Variants in TCF12 observed in about 807,000 individuals in gnomAD.
TCF12 encodes the protein DNA-binding protein HTF4.
TCF12 carries 45 observed loss-of-function variants against 86.0 expected under a neutral mutation model. The observed-to-expected ratio is 0.52, with a 90% CI of 0.41 to 0.67. TCF12 has a LOEUF of 0.67. Ranked by LOEUF, TCF12 falls within the 30% of genes least tolerant of loss-of-function variation. The probability of loss-of-function intolerance (pLI) is 0.00; values close to 1 mark genes in which losing one functional copy is unlikely to be tolerated. For missense variants in TCF12, 881 were observed against 859.9 expected (o/e 1.02, Z -0.31); for synonymous variants, 330 against 299.6 (o/e 1.10, Z -1.05).
At chr15:56,952,849 C>G (rs557880651) in intron 3 of TCF12, among the ~76,000 whole-genome samples, 2 of 152,104 alleles carry the variant, frequency 1.3e-5, no homozygotes, top group African/African-American at 4.8e-5. Flanking sequence ...ATCTGGATGC[C>G]TTTTTTAAAT....
intron 13 of TCF12, among the ~76,000 whole-genome samples, chr15:57,251,018 G>A (rs34968151): frequency 0.037 from 5,671 of 151,396 alleles, 177 homozygotes; most frequent in Middle Eastern, 0.051. Context: ...TAGGAAGGGG[G>A]ACAGAATTTT....
intron 6 of TCF12, among the ~76,000 whole-genome samples, chr15:57,170,265 G>A (rs1456556993): frequency 2.0e-5 from 3 of 150,858 alleles, no homozygotes; most frequent in South Asian, 4.2e-4. Context: ...AGGAGACAGG[G>A]AATTAAAAAT....
downstream of TCF12, among the ~76,000 whole-genome samples, chr15:57,290,079 T>G (rs187215035): frequency 9.6e-4 from 146 of 151,774 alleles, no homozygotes; most frequent in African/African-American, 3.5e-3. Context: ...GCGTGGTGGC[T>G]CACGCCTGTA....
chr15:56,974,275 A>G (rs2062488792), intron 3 of TCF12, among the ~76,000 whole-genome samples: 1 of 152,110 alleles, frequency 6.6e-6, no homozygotes, highest in Admixed American at 6.5e-5. Flanking sequence ...TGGTTCAGAA[A>G]ACATATGCAG....
At chr15:57,168,956 G>C (rs1185284502) in intron 6 of TCF12, among the ~76,000 whole-genome samples, 1 of 152,164 alleles carries the variant, frequency 6.6e-6, no homozygotes, top group Non-Finnish European at 1.5e-5. Flanking sequence ...TGAGGCAGGA[G>C]AATCGCTGGA....
intron 6 of TCF12, among the ~76,000 whole-genome samples, chr15:57,169,304 T>C (rs1169410449): frequency 1.3e-5 from 2 of 152,178 alleles, no homozygotes; most frequent in Non-Finnish European, 2.9e-5. Flanking sequence ...GAATACCTCA[T>C]AACCATAACA....
intron 9 of TCF12, 39 bp downstream of exon 9, chr15:57,231,296 C>A: frequency 2.2e-6 from 3 of 1,363,992 alleles, no homozygotes; most frequent in South Asian, 1.2e-5. Context: ...CTACTGCAGT[C>A]ATCTGTATAT....
At chr15:57,149,356 A>C (rs1245481501) in intron 5 of TCF12, among the ~76,000 whole-genome samples, 4 of 152,220 alleles carry the variant, frequency 2.6e-5, no homozygotes, top group African/African-American at 4.8e-5. Context: ...GCCAAAGAAA[A>C]TAGAAGAGAA....
intron 3 of TCF12, among the ~76,000 whole-genome samples, chr15:56,952,591 G>T (rs367831478): frequency 2.6e-4 from 39 of 151,836 alleles, no homozygotes; most frequent in African/African-American, 8.7e-4. Context: ...CACTGTATAG[G>T]TCTCAACATA....
Position 57,253,461 on chromosome 15 carries a change from C to T in TCF12, c.1460C>T (p.Ala487Val), listed in dbSNP as rs757720797. 2.5e-6 allele frequency: 4 copies of T among 1,613,970 alleles called. No individual in the cohort carries two copies. Among genetic ancestry groups the T allele is most frequent in the Admixed American group, 1.7e-5 (1 of 60,006 alleles). Reference sequence around the variant, plus strand: ...AGCCTTGTTGCAAGCAGTCGATCAGCTTCAATGGTAAAATCATGCTCATCT... The same window carrying T: ...AGCCTTGTTGCAAGCAGTCGATCAGTTTCAATGGTAAAATCATGCTCATCT... ...GSSLVASSRS[A>V]SMVGTHREDS... The change falls in exon 16 of 21, where the codon GCT becomes GTT. Residue 487 changes from alanine (A) to valine (V), a missense_variant. Physicochemically the swap from Ala to Val is moderately conservative, Grantham distance 64. Coordinates refer to ENST00000333725, the MANE Select transcript of TCF12 (RefSeq NM_207037.2).
intron 5 of TCF12, among the ~76,000 whole-genome samples, chr15:57,111,094 T>C (rs2050458838): frequency 6.6e-6 from 1 of 152,200 alleles, no homozygotes; most frequent in African/African-American, 2.4e-5. Flanking sequence ...CCTCTCTTTT[T>C]TGGCCTGCTG....
chr15:56,925,667 G>A (rs1026119854), intron 3 of TCF12, among the ~76,000 whole-genome samples: 8 of 152,284 alleles, frequency 5.3e-5, no homozygotes, highest in Middle Eastern at 3.4e-3. Context: ...AGTAAAAGTA[G>A]CACTATTAGA....
rs182458269 is a variant in TCF12 at position 56,976,466 on chromosome 15, T to C, written c.148+55368T>C. Reference sequence around the variant, plus strand: ...GTTAGCCAGGATGGTCTCGATCTCCTGACCTCGTCATCCGCCCGCCTCGGC... The same window carrying C: ...GTTAGCCAGGATGGTCTCGATCTCCCGACCTCGTCATCCGCCCGCCTCGGC... On this transcript the variant is annotated intron_variant, in intron 3 of 20. Coordinates refer to ENST00000333725, the MANE Select transcript of TCF12 (RefSeq NM_207037.2). Among the ~76,000 whole-genome samples, 158 of 151,922 alleles carry C rather than the reference T, an allele frequency of 1.0e-3. 2 individuals are homozygous for C. Among genetic ancestry groups the C allele is most frequent in the Admixed American group, 6.1e-3 (93 of 15,230 alleles).
At chr15:57,190,298 T>G (rs1245224214) in intron 6 of TCF12, among the ~76,000 whole-genome samples, 1 of 152,158 alleles carries the variant, frequency 6.6e-6, no homozygotes, top group African/African-American at 2.4e-5. Context: ...AAATGAGAGT[T>G]TTTCTTGACT....
At chr15:57,112,743 G>A (rs1318169052) in intron 5 of TCF12, among the ~76,000 whole-genome samples, 4 of 152,120 alleles carry the variant, frequency 2.6e-5, no homozygotes, top group Admixed American at 1.3e-4. Flanking sequence ...GCTTAAGAGT[G>A]TGGGAAATAT....
At chr15:57,199,504 G>T (rs2151752218) in intron 8 of TCF12, among the ~76,000 whole-genome samples, 1 of 152,298 alleles carries the variant, frequency 6.6e-6, no homozygotes, top group East Asian at 1.9e-4. Context: ...TTAAGAAACA[G>T]TGTATGTTCA....
intron 6 of TCF12, among the ~76,000 whole-genome samples, chr15:57,189,504 A>G (rs1386640259): frequency 6.6e-6 from 1 of 152,220 alleles, no homozygotes; most frequent in East Asian, 1.9e-4. Flanking sequence ...ATCATTAGTC[A>G]TTAGGGTTAT....
At chr15:56,943,298 C>A (rs1314389231) in intron 3 of TCF12, among the ~76,000 whole-genome samples, 1 of 152,030 alleles carries the variant, frequency 6.6e-6, no homozygotes, top group African/African-American at 2.4e-5. Context: ...AATGATTTGA[C>A]CTAATTATAC....
intron 4 of TCF12, among the ~76,000 whole-genome samples, chr15:57,072,382 C>A (rs1025941389): frequency 6.6e-6 from 1 of 152,068 alleles, no homozygotes; most frequent in South Asian, 2.1e-4. Flanking sequence ...AAATAGTTTT[C>A]CTTAATACAT....
Sources: gnomAD v4.1 joint callset for allele counts (sites outside exome capture counted in the v4.1 genomes callset) on GRCh38, gnomAD v4.1.1 for gene constraint, MANE v1.5 for transcripts, NCBI Gene and HGNC (gene_info 2026-07-23, HGNC 2026-07-21) for gene names.